Variants in PTPRT observed in about 807,000 individuals in gnomAD.
The protein encoded by PTPRT is protein tyrosine phosphatase receptor type T.
Under a neutral mutation model 176.8 loss-of-function variants are expected in PTPRT, and 56 were observed. The observed-to-expected ratio is 0.32, with a 90% CI of 0.26 to 0.40. The LOEUF is 0.40. PTPRT is among the 10% of genes least tolerant of loss of function. PTPRT has a pLI of 1.00. For synonymous variants in PTPRT, 783 were observed against 739.0 expected (o/e 1.06, Z -0.96); for missense variants, 1,540 against 1,908.2 (o/e 0.81, Z 3.60).
rs58797064 is a variant in PTPRT, at chr20:42,520,802, C to CATATATATATATAT, written c.1154-48254_1154-48241dup. Reference sequence around the variant, plus strand: ...TGTCAGCAGACAGAGCTTGGAAAGACATATATATATATATATATATGTATG... The same window carrying CATATATATATATAT: ...TGTCAGCAGACAGAGCTTGGAAAGACATATATATATATATATATATATATATATATATATGTATG... On this transcript the variant is annotated intron_variant, in intron 7 of 30. Transcript: ENST00000373187. Among the ~76,000 whole-genome samples, 110 of 141,742 alleles carry CATATATATATATAT rather than the reference C, an allele frequency of 7.8e-4. 1 individual carries two copies. Among genetic ancestry groups the CATATATATATATAT allele is most frequent in the African/African-American group, 1.9e-3 (73 of 38,148 alleles). 93.0% of individuals were successfully genotyped at this position (141,742 alleles called of 152,430 possible). A position where few individuals can be genotyped will look rare whatever the true frequency, so the allele number is the denominator to read the frequency against.
intron 9 of PTPRT, among the ~76,000 whole-genome samples, chr20:42,441,524 C>G (rs537810364): frequency 6.6e-6 from 1 of 152,092 alleles, no homozygotes; most frequent in Non-Finnish European, 1.5e-5. Flanking sequence ...CCAAAGCAGA[C>G]GAGGAACAGG....
chr20:42,076,772 A>G lies in PTPRT; in HGVS notation c.*4107T>C. ...ATATTCATAGAGTCATATTAAAACCAACAAGGCTAAATCAGAAAGTGGAAT... is the reference window on the plus strand; with the variant it reads ...ATATTCATAGAGTCATATTAAAACCGACAAGGCTAAATCAGAAAGTGGAAT... On this transcript the variant is annotated 3_prime_UTR_variant, in exon 31 of 31. Transcript: ENST00000373187. 1 of 202,044 alleles carries G rather than the reference A, an allele frequency of 4.9e-6. No individual in the cohort carries two copies. 12.5% of individuals were successfully genotyped at this position (202,044 alleles called of 1,614,324 possible).
At chr20:42,105,998 G>T (rs1296276734) in intron 24 of PTPRT, among the ~76,000 whole-genome samples, 1 of 152,246 alleles carries the variant, frequency 6.6e-6, no homozygotes, top group Non-Finnish European at 1.5e-5. Flanking sequence ...CTTAGTGAGA[G>T]TGTGGTTCTG....
At chr20:42,672,567 T>C (rs2075431879) in intron 7 of PTPRT, among the ~76,000 whole-genome samples, 1 of 152,148 alleles carries the variant, frequency 6.6e-6, no homozygotes, top group Non-Finnish European at 1.5e-5. Context: ...CACCTTTGAC[T>C]CCCTACTCCC....
intron 1 of PTPRT, among the ~76,000 whole-genome samples, chr20:43,078,965 C>A (rs1325643871): frequency 6.6e-6 from 1 of 152,154 alleles, no homozygotes; most frequent in Non-Finnish European, 1.5e-5. Context: ...CTGCTTCCCC[C>A]ACATCATATT....
At chr20:43,098,817 A>T (rs936727626) in intron 1 of PTPRT, among the ~76,000 whole-genome samples, 2 of 152,208 alleles carry the variant, frequency 1.3e-5, no homozygotes, top group African/African-American at 2.4e-5. Flanking sequence ...GTGGCACATT[A>T]GACACTCAAT....
In PTPRT at chr20:42,448,257, G is replaced by T. The variant is rs1308825762; in HGVS notation, c.1523C>A (p.Pro508His). The change falls in exon 9 of 31, where the codon CCT (proline) becomes CAT (histidine). Residue 508 changes from proline to histidine, a missense_variant. By Grantham distance (77) the Pro-to-His change is moderately conservative. Around this residue, in one of 11 missense-constraint regions of PTPRT, gnomAD observed 136 missense variants for 135.0 expected, o/e 1.01. Transcript: ENST00000373187. ...FEEKIYIQWK[P>H]PNETNGVITL... ...GATGACCCCATTGGTCTCATTGGGA[G>T]GTTTCCACTGGATGTAGATCTTCTC... The T allele has an allele frequency of 1.2e-6, 2 of 1,613,476 alleles. No homozygotes were observed. Among genetic ancestry groups the T allele is most frequent in the East Asian group, 2.2e-5 (1 of 44,866 alleles).
In PTPRT at chr20:42,834,646, T is replaced by C. The variant is rs372192480; in HGVS notation, c.215-43180A>G. ...AGGTTGTGGGATATGATGGGGTTTCTCTTCCAATAATCTGATCAATCTTTT... is the reference window on the plus strand; with the variant it reads ...AGGTTGTGGGATATGATGGGGTTTCCCTTCCAATAATCTGATCAATCTTTT... On this transcript the variant is annotated intron_variant, in intron 2 of 30. Transcript: ENST00000373187. Among the ~76,000 whole-genome samples the C allele has an allele frequency of 1.7e-4, 26 of 152,308 alleles. No homozygotes were observed. The South Asian group carries it at 5.4e-3, about 32-fold the overall frequency.
At chr20:42,228,961 G>A (rs899120071) in intron 15 of PTPRT, among the ~76,000 whole-genome samples, 3 of 152,210 alleles carry the variant, frequency 2.0e-5, no homozygotes, top group African/African-American at 4.8e-5. Flanking sequence ...TGAGCCCAGC[G>A]CTATGGATAT....
intron 13 of PTPRT, among the ~76,000 whole-genome samples, chr20:42,254,551 G>A (rs1414751855): frequency 6.6e-6 from 1 of 152,172 alleles, no homozygotes; most frequent in Non-Finnish European, 1.5e-5. Flanking sequence ...ATAGATAAAG[G>A]GCCATTGTGG....
chr20:43,108,865 G>C (rs1026107083), intron 1 of PTPRT, among the ~76,000 whole-genome samples: 4 of 152,082 alleles, frequency 2.6e-5, no homozygotes, highest in African/African-American at 9.7e-5. Flanking sequence ...TTTAAAAAAG[G>C]CTTCGAAAAG....
chr20:42,382,705 G>T (rs1414520742), intron 9 of PTPRT, among the ~76,000 whole-genome samples: 1 of 152,118 alleles, frequency 6.6e-6, no homozygotes, highest in Admixed American at 6.5e-5. Flanking sequence ...GGGGTATGGT[G>T]GGGGGTGTAA....
chr20:42,684,238 G>T (rs926692677), intron 6 of PTPRT, among the ~76,000 whole-genome samples: 2 of 151,966 alleles, frequency 1.3e-5, no homozygotes, highest in African/African-American at 4.8e-5. Context: ...CCAGCTACTC[G>T]GGAGGCTGAG....
At chr20:42,668,718 G>A (rs1489129896) in intron 7 of PTPRT, among the ~76,000 whole-genome samples, 1 of 151,288 alleles carries the variant, frequency 6.6e-6, no homozygotes, top group Non-Finnish European at 1.5e-5. Context: ...TTAAGGCGGA[G>A]TCTCGCTCTG....
chr20:42,704,826 G>C (rs1446064432), intron 6 of PTPRT, among the ~76,000 whole-genome samples: 1 of 152,156 alleles, frequency 6.6e-6, no homozygotes, highest in East Asian at 1.9e-4. Context: ...GGTATTGGCT[G>C]TTTACTTTCT....
At position 42,126,931 on chromosome 20, in the gene PTPRT, TGTTCATCTTCAACTCCACTGAA is replaced by T. The variant is rs530224952; in HGVS notation, c.2847+1801_2847+1822del. Among the ~76,000 whole-genome samples the T allele has an allele frequency of 3.9e-4, 60 of 152,326 alleles. 1 individual carries two copies. The highest frequency in any genetic ancestry group is 1.3e-3 in the African/African-American group (56 of 41,572). ...GGAAGGGCTATGGTGGCAGAGACGG[TGTTCATCTTCAACTCCACTGAA>T]GTTGCAGCCTCAGTTCTTGGCCATG... On this transcript the variant is annotated intron_variant, in intron 19 of 30. Transcript: ENST00000373187.
chr20:42,479,044 T>C (rs1305554357), intron 7 of PTPRT, among the ~76,000 whole-genome samples: 3 of 152,188 alleles, frequency 2.0e-5, no homozygotes, highest in Admixed American at 6.5e-5. Flanking sequence ...AGGGTAATCA[T>C]GTGGTTAAGT....
chr20:43,179,314 T>C (rs966040424), intron 1 of PTPRT, among the ~76,000 whole-genome samples: 3 of 152,248 alleles, frequency 2.0e-5, no homozygotes, highest in African/African-American at 7.2e-5. Flanking sequence ...TTAATTGCTA[T>C]AACTTATCAT....
At chr20:42,955,074 G>A (rs898294144) in intron 1 of PTPRT, among the ~76,000 whole-genome samples, 6 of 151,972 alleles carry the variant, frequency 3.9e-5, no homozygotes, top group Admixed American at 1.3e-4. Context: ...AAGAAACGCC[G>A]CACACTCTAT....
Sources: allele counts gnomAD v4.1 joint callset (sites outside exome capture counted in the v4.1 genomes callset), GRCh38; gene constraint gnomAD v4.1.1; regional missense constraint gnomAD v4.1.1; transcripts MANE v1.5; gene names NCBI Gene and HGNC (gene_info 2026-07-23, HGNC 2026-07-21).